Variants in STARD13 observed in about 807,000 individuals in gnomAD.
STARD13 encodes StAR related lipid transfer domain containing 13.
Under a neutral mutation model 106.4 loss-of-function variants are expected in STARD13, and 62 were observed. The ratio of observed to expected loss-of-function variants is 0.58; its 90% CI spans 0.48 to 0.72. The LOEUF (loss-of-function observed/expected upper bound fraction) is 0.72, where lower values mean the gene tolerates loss of function less well. Ranked by LOEUF, STARD13 falls within the 30% of genes least tolerant of loss-of-function variation. The pLI is 0.00. For missense variants in STARD13, 1,387 were observed against 1,424.0 expected, an observed-to-expected ratio of 0.97 and a Z score of 0.42; for synonymous variants, 565 against 553.0, an observed-to-expected ratio of 1.02 and a Z score of -0.31.
intron 1 of STARD13, among the ~76,000 whole-genome samples, chr13:33,193,255 ATAC>A (rs1461104378): frequency 6.6e-6 from 1 of 152,238 alleles, no homozygotes; most frequent in Non-Finnish European, 1.5e-5. Flanking sequence ...GAGATCATCT[ATAC>A]AGCAGGGCTT....
chr13:33,350,489 G>T (rs2078065726), exon 1 of STARD13: 35 of 1,476,248 alleles, frequency 2.4e-5, no homozygotes, highest in Non-Finnish European at 3.0e-5. Context: ...GACTCCCGGC[G>T]ACTGGAAAGG....
chr13:33,548,964 T>G, the STARD13 span, among the ~76,000 whole-genome samples: 1 of 152,132 alleles, frequency 6.6e-6, no homozygotes, highest in African/African-American at 2.4e-5. Context: ...AAAAATATTT[T>G]TTTAAATCAC....
At chr13:33,538,904 G>T in the STARD13 span, among the ~76,000 whole-genome samples, 130 of 152,006 alleles carry the variant, frequency 8.6e-4, 1 homozygote, top group East Asian at 0.025. Context: ...TGAGTAGCTG[G>T]GACTACAGGT....
the STARD13 span, among the ~76,000 whole-genome samples, chr13:33,485,212 A>G: frequency 2.0e-5 from 3 of 152,356 alleles, no homozygotes; most frequent in South Asian, 4.1e-4. Context: ...AAATAAGTAG[A>G]CAGCTAATAG....
In STARD13 at chr13:33,129,035, G is replaced by A. The variant is rs1261305141; in HGVS notation, c.1642C>T (p.Pro548Ser). Residue 548 changes from proline to serine, a missense_variant, in exon 5 of 14, where the codon CCC becomes TCC. Transcript: ENST00000336934. ...GNSVSEGRTT[P>S]SDVERDVTSL... ...GTTACATCTCTTTCCACATCACTGG[G>A]TGTCGTCCGACCTTCTGAGACAGAG... 1 of 1,614,132 alleles carries A rather than the reference G, an allele frequency of 6.2e-7. No homozygotes were observed. The highest frequency in any genetic ancestry group is 1.7e-5 in the Admixed American group (1 of 60,018).
At chr13:33,568,769 A>G in the STARD13 span, among the ~76,000 whole-genome samples, 21 of 148,288 alleles carry the variant, frequency 1.4e-4, 1 homozygote, top group African/African-American at 4.7e-4. Flanking sequence ...ACATTTAGCT[A>G]TGTATTTATC....
intron 1 of STARD13, among the ~76,000 whole-genome samples, chr13:33,262,106 T>C (rs1566105012): frequency 6.6e-6 from 1 of 152,212 alleles, no homozygotes; most frequent in Admixed American, 6.5e-5. Flanking sequence ...AAGCCAAGTC[T>C]TTCACTGGAG....
chr13:33,224,705 T>A (rs1888530812), intron 1 of STARD13, among the ~76,000 whole-genome samples: 1 of 152,250 alleles, frequency 6.6e-6, no homozygotes, highest in Admixed American at 6.5e-5. Flanking sequence ...ATTAGAATAT[T>A]TTGTCAATAG....
chr13:33,603,885 A>C, the STARD13 span, among the ~76,000 whole-genome samples: 1 of 152,312 alleles, frequency 6.6e-6, no homozygotes, highest in East Asian at 1.9e-4. Flanking sequence ...AAGACAAAGC[A>C]ATACCACATT....
At chr13:33,385,126 AATATAT>A in the STARD13 span, among the ~76,000 whole-genome samples, 1 of 129,914 alleles carries the variant, frequency 7.7e-6, no homozygotes, top group African/African-American at 2.8e-5. Flanking sequence ...AAAGGTTCGG[AATATAT>A]ATATATATAT....
chr13:33,521,403 TG>T, the STARD13 span, among the ~76,000 whole-genome samples: 10 of 152,090 alleles, frequency 6.6e-5, no homozygotes, highest in Non-Finnish European at 1.3e-4. Context: ...GAATTAGAAG[TG>T]AGTTGACTCT....
At chr13:33,146,017 G>A (rs559607749) in intron 3 of STARD13, among the ~76,000 whole-genome samples, 4 of 151,694 alleles carry the variant, frequency 2.6e-5, no homozygotes, top group Admixed American at 1.3e-4. Flanking sequence ...AGGCCCTGTC[G>A]CTACAAAAAA....
the STARD13 span, among the ~76,000 whole-genome samples, chr13:33,653,578 A>C: frequency 6.6e-6 from 1 of 152,180 alleles, no homozygotes; most frequent in South Asian, 2.1e-4. Flanking sequence ...TAATGCTCTT[A>C]GAACAAAATG....
the STARD13 span, among the ~76,000 whole-genome samples, chr13:33,461,326 A>C: frequency 6.6e-6 from 1 of 152,230 alleles, no homozygotes; most frequent in Non-Finnish European, 1.5e-5. Context: ...GTAAAATCAT[A>C]AATGGGAGAA....
the STARD13 span, among the ~76,000 whole-genome samples, chr13:33,406,788 C>G: frequency 2.0e-5 from 3 of 152,084 alleles, no homozygotes; most frequent in Non-Finnish European, 2.9e-5. Context: ...CATAAAGGAC[C>G]CTTGTTGATA....
chr13:33,416,141 T>G, the STARD13 span, among the ~76,000 whole-genome samples: 1 of 152,358 alleles, frequency 6.6e-6, no homozygotes, highest in African/African-American at 2.4e-5. Context: ...GTTCAACAGA[T>G]TTATATCCAT....
chr13:33,343,047 C>T (rs781106156), intron 1 of STARD13, among the ~76,000 whole-genome samples: 68 of 152,204 alleles, frequency 4.5e-4, no homozygotes, highest in Non-Finnish European at 8.8e-4. Flanking sequence ...TCTGACTTTC[C>T]TACAAAGCCG....
the STARD13 span, among the ~76,000 whole-genome samples, chr13:33,491,052 T>C: frequency 6.6e-6 from 1 of 152,204 alleles, no homozygotes; most frequent in Non-Finnish European, 1.5e-5. Context: ...CCCGTTTCAA[T>C]ACTATGTGGC....
At chr13:33,352,103 TAGTC>T (rs1466527255), upstream of STARD13, among the ~76,000 whole-genome samples, 8 of 152,204 alleles carry the variant, frequency 5.3e-5, no homozygotes, top group Admixed American at 1.3e-4. Context: ...ATCTTTGAAA[TAGTC>T]AGTTATGAAG....
Sources: allele counts gnomAD v4.1 joint callset (sites outside exome capture counted in the v4.1 genomes callset), GRCh38; gene constraint gnomAD v4.1.1; transcripts MANE v1.5; gene names NCBI Gene and HGNC (gene_info 2026-07-23, HGNC 2026-07-21).